ZFP82: variants seen among roughly 807,000 people sequenced by gnomAD.
ZFP82 encodes zinc finger protein 82 homolog.
In ZFP82, 30 loss-of-function variants were observed where a neutral mutation model predicts 54.0. The ratio of observed to expected loss-of-function variants is 0.56; its 90% confidence interval spans 0.42 to 0.75. ZFP82 has a LOEUF of 0.75. ZFP82 is among the 30% of genes least tolerant of loss of function. The pLI, the probability that ZFP82 is intolerant of heterozygous loss-of-function variation, is 0.00. For missense variants in ZFP82, 500 were observed against 636.8 expected (o/e 0.79, Z 2.31); for synonymous variants, 194 against 209.5 (o/e 0.93, Z 0.64).
At chr19:36,406,777 GGTTCTAGTTTTTCCAAATACTCACTAA>G (rs2032488950) in intron 3 of ZFP82, among the ~76,000 whole-genome samples, 1 of 152,032 alleles carries the variant, frequency 6.6e-6, no homozygotes. Context: ...AATGTATGAG[GGTTCTAGTTTTTCCAAATACTCACTAA>G]TAATTATTTT....
chr19:36,411,339 C>T (rs975273855), intron 1 of ZFP82, among the ~76,000 whole-genome samples: 5 of 151,724 alleles, frequency 3.3e-5, no homozygotes, highest in South Asian at 2.1e-4. Context: ...TTCCAGTGAG[C>T]GAAAACTGGC....
At position 36,388,871 on chromosome 19, in the gene ZFP82, A is replaced by G. The variant is rs2032147579; in HGVS notation, c.*3870T>C. On this transcript the variant is annotated 3_prime_UTR_variant, in exon 5 of 5. Coordinates refer to ENST00000392161, the MANE Select transcript of ZFP82 (RefSeq NM_133466.4). ...TGTGACAGGCACTGTAGGTGTGTGA[A>G]CAGAATGGTGAACAACACAAATACT... is the stretch of plus-strand genomic sequence containing the variant. Among the ~76,000 whole-genome samples the G allele has an allele frequency of 6.6e-6, 1 of 152,176 alleles. No homozygotes were observed. The highest frequency in any genetic ancestry group is 1.5e-5 in the Non-Finnish European group (1 of 68,030).
intron 4 of ZFP82, among the ~76,000 whole-genome samples, chr19:36,401,525 G>A (rs756824748): frequency 6.6e-6 from 1 of 152,054 alleles, no homozygotes; most frequent in African/African-American, 2.4e-5. Context: ...TTTTGACAGC[G>A]CCTTCATACA....
At chr19:36,411,864 CAAAAAA>C (rs58166953) in intron 1 of ZFP82, among the ~76,000 whole-genome samples, 1 of 119,282 alleles carries the variant, frequency 8.4e-6, no homozygotes, top group African/African-American at 3.2e-5. Flanking sequence ...GACCCCGTCT[CAAAAAA>C]AAAAAAAAAA....
At chr19:36,416,121 A>T (rs1310805151) in intron 1 of ZFP82, among the ~76,000 whole-genome samples, 1 of 152,222 alleles carries the variant, frequency 6.6e-6, no homozygotes, top group African/African-American at 2.4e-5. Context: ...TATTGCTTAG[A>T]CAACATCGAT....
intron 4 of ZFP82, among the ~76,000 whole-genome samples, chr19:36,400,443 C>T (rs1224881240): frequency 1.3e-5 from 2 of 152,134 alleles, no homozygotes; most frequent in African/African-American, 2.4e-5. Context: ...AACTGTACTT[C>T]GGAGAATCAA....
Position 36,393,549 on chromosome 19 carries a change from C to T in ZFP82, c.791G>A (p.Arg264Lys), listed in dbSNP as rs763398603. 73 of 1,613,988 alleles carry T rather than the reference C, an allele frequency of 4.5e-5. No individual in the cohort carries two copies. The East Asian group carries it at 1.6e-3, about 34-fold the overall frequency. The change falls in exon 5 of 5, where the codon AGG (arginine) becomes AAG (lysine). Residue 264 changes from arginine to lysine, a missense_variant. By Grantham distance (26) the Arg-to-Lys change is conservative. Coordinates refer to ENST00000392161, the MANE Select transcript of ZFP82 (RefSeq NM_133466.4). Reference sequence around the variant, plus strand: ...ATGCAGAGTAAGTTGTCCTCGTACCCTAAAAGCCTTCCCACATTCTTTACA... The same window carrying T: ...ATGCAGAGTAAGTTGTCCTCGTACCTTAAAAGCCTTCCCACATTCTTTACA... ...YECKECGKAF[R>K]VRGQLTLHQR...
chr19:36,406,871 T>C (rs373694046), intron 3 of ZFP82, among the ~76,000 whole-genome samples: 3 of 152,162 alleles, frequency 2.0e-5, no homozygotes, highest in Non-Finnish European at 4.4e-5. Context: ...TTTTGATACA[T>C]GTCATTGTGG....
chr19:36,391,979 T>C lies in ZFP82; in HGVS notation c.*762A>G, dbSNP rs2032207114. 1 of 148,552 alleles carries C rather than the reference T, an allele frequency of 6.7e-6. No homozygotes were observed. The allele number at this position is 148,552 out of a possible 1,614,324, so 9.2% of individuals were successfully genotyped here. ...GTTTAGTGGCTTAAAACAACAACCA[T>C]TTTATTATATCTCATGTTTTTGTGG... On this transcript the variant is annotated 3_prime_UTR_variant, in exon 5 of 5. Transcript: ENST00000392161.
At chr19:36,406,908 A>G (rs186703924) in intron 3 of ZFP82, among the ~76,000 whole-genome samples, 154 of 152,272 alleles carry the variant, frequency 1.0e-3, no homozygotes, top group Non-Finnish European at 2.1e-4. Flanking sequence ...TAATTAGCAT[A>G]TCCATCACCT....
intron 1 of ZFP82, among the ~76,000 whole-genome samples, chr19:36,413,394 G>C (rs554151238): frequency 1.3e-5 from 2 of 152,196 alleles, no homozygotes; most frequent in East Asian, 1.9e-4. Flanking sequence ...GTGGGCAACA[G>C]AGTGAGATTC....
chr19:36,389,330 G>A lies in ZFP82; in HGVS notation c.*3411C>T, dbSNP rs537398637. On this transcript the variant is annotated 3_prime_UTR_variant, in exon 5 of 5. Transcript: ENST00000392161. ...TGCGATTACAGGCATGAGCCACCAC[G>A]CCTGGCCCAAACTTGATTTTCTACT... Among the ~76,000 whole-genome samples the A allele has an allele frequency of 1.5e-3, 221 of 152,120 alleles. No individual in the cohort carries two copies. The highest frequency in any genetic ancestry group is 5.2e-3 in the African/African-American group (214 of 41,500).
At chr19:36,386,149 A>G (rs1235145052), downstream of ZFP82, among the ~76,000 whole-genome samples, 1 of 152,242 alleles carries the variant, frequency 6.6e-6, no homozygotes, top group Non-Finnish European at 1.5e-5. Flanking sequence ...CATCACAGAC[A>G]GCATTCACTG....
chr19:36,392,608 G>A lies in ZFP82; in HGVS notation c.*133C>T. ...GAAGTTTCAGGTTTGAGTGATGATG[G>A]ACTACAATACATTGTCACACTCTTT... is the stretch of plus-strand genomic sequence containing the variant. On this transcript the variant is annotated 3_prime_UTR_variant, in exon 5 of 5. Coordinates refer to ENST00000392161, the MANE Select transcript of ZFP82 (RefSeq NM_133466.4). 3 of 718,260 alleles carry A rather than the reference G, an allele frequency of 4.2e-6. No individual in the cohort carries two copies. Among genetic ancestry groups the A allele is most frequent in the Non-Finnish European group, 6.4e-6 (3 of 469,148 alleles). The allele number at this position is 718,260 out of a possible 1,614,324, so 44.5% of individuals were successfully genotyped here.
Position 36,393,917 on chromosome 19 carries a change from C to T in ZFP82, c.423G>A (p.Val141=), listed in dbSNP as rs1376135688. ...ERPQEGYFSS[V]KMPSEKVSSY... is the part of the protein sequence containing the mutation. The stretch of plus-strand genomic sequence containing the variant: ...AGGACACCTTTTCAGATGGCATTTT[C>T]ACACTACTGAAGTATCCTTCTTGAG... The change falls in exon 5 of 5, where the codon GTG becomes GTA. Residue 141 remains valine, a synonymous_variant. Transcript: ENST00000392161. The T allele has an allele frequency of 1.9e-6, 3 of 1,614,008 alleles. No individual in the cohort carries two copies. Among genetic ancestry groups the T allele is most frequent in the Non-Finnish European group, 2.5e-6 (3 of 1,180,036 alleles).
Position 36,415,345 on chromosome 19 carries a change from TC to T in ZFP82, c.-79+3146del, listed in dbSNP as rs370962436. Among the ~76,000 whole-genome samples the T allele has an allele frequency of 4.6e-4, 70 of 152,192 alleles. 1 individual carries two copies. In the East Asian group the frequency reaches 0.013, roughly 29 times the overall value. ...ACTGGGTGGTAGGGGATGGAGAAAA[TC>T]TGTTCTGAATAGTACTAAATATAGT... On this transcript the variant is annotated intron_variant, in intron 1 of 4. Transcript: ENST00000392161.
intron 4 of ZFP82, among the ~76,000 whole-genome samples, chr19:36,399,240 G>T (rs2032345309): frequency 6.6e-6 from 1 of 152,146 alleles, no homozygotes; most frequent in African/African-American, 2.4e-5. Context: ...GAAGTATTTA[G>T]CATTGGGTAT....
At chr19:36,398,580 C>T (rs2032334946) in intron 4 of ZFP82, among the ~76,000 whole-genome samples, 1 of 151,386 alleles carries the variant, frequency 6.6e-6, no homozygotes, top group African/African-American at 2.4e-5. Flanking sequence ...ATGGGGAAAT[C>T]TATTAAGACA....
chr19:36,386,683 A>C (rs1036538870), downstream of ZFP82, among the ~76,000 whole-genome samples: 2 of 152,218 alleles, frequency 1.3e-5, no homozygotes, highest in African/African-American at 2.4e-5. Context: ...CACGCCTGTA[A>C]TCCCAGCACT....
Sources: allele counts gnomAD v4.1 joint callset (sites outside exome capture counted in the v4.1 genomes callset), GRCh38; gene constraint gnomAD v4.1.1; transcripts MANE v1.5; gene names NCBI Gene and HGNC (gene_info 2026-07-23, HGNC 2026-07-21).